The following ADI1 variants were observed in gnomAD, a reference collection of about 807,000 sequenced individuals.
ADI1 encodes acireductone dioxygenase 1, also known as acireductone dioxygenase.
In ADI1, 21 loss-of-function variants were observed where a neutral mutation model predicts 18.7. The ratio of observed to expected loss-of-function variants is 1.13; its 90% CI spans 0.80 to 1.62. The LOEUF (loss-of-function observed/expected upper bound fraction) is 1.62. Ranked by LOEUF, ADI1 falls within the 40% of genes most tolerant of loss-of-function variation. The pLI is 0.00. For synonymous variants in ADI1, 90 were observed against 100.1 expected, an observed-to-expected ratio of 0.90 and a Z score of 0.60; for missense variants, 245 against 254.9, an observed-to-expected ratio of 0.96 and a Z score of 0.26.
At chr2:3,517,753 CA>C (rs201389670) in intron 1 of ADI1, 2,650 of 126,722 alleles carry the variant, frequency 0.021, 65 homozygotes, top group African/African-American at 0.063. Flanking sequence ...GCAAAAAGAG[CA>C]AAAAAAAAAA....
chr2:3,499,378 T>A (rs565906694), intron 3 of ADI1, among the ~76,000 whole-genome samples: 2 of 152,186 alleles, frequency 1.3e-5, no homozygotes, highest in Non-Finnish European at 2.9e-5. Context: ...GGAAAAGCAC[T>A]GGCTCCAACC....
intron 2 of ADI1, among the ~76,000 whole-genome samples, chr2:3,508,868 C>T (rs1321669843): frequency 6.6e-6 from 1 of 150,718 alleles, no homozygotes; most frequent in African/African-American, 2.4e-5. Context: ...GGCACCACTG[C>T]ATTTCAGCCT....
intron 1 of ADI1, 145 bp from the exon 2 acceptor site, chr2:3,514,121 C>T (rs1387227698): frequency 3.0e-6 from 3 of 988,554 alleles, no homozygotes; most frequent in East Asian, 2.7e-5. Flanking sequence ...TCTTCATCTC[C>T]TCTAGCCATT....
intron 3 of ADI1, chr2:3,500,491 G>T: frequency 6.3e-6 from 3 of 477,714 alleles, no homozygotes; most frequent in African/African-American, 1.9e-5. Flanking sequence ...CGCCAAGCAA[G>T]GGCTGGGGCA....
chr2:3,508,680 T>C (rs915685799), intron 2 of ADI1, among the ~76,000 whole-genome samples: 2 of 151,698 alleles, frequency 1.3e-5, no homozygotes, highest in African/African-American at 4.8e-5. Context: ...GGCAAGAAGA[T>C]CACTTGAGCC....
intron 2 of ADI1, among the ~76,000 whole-genome samples, chr2:3,501,820 G>T (rs776283147): frequency 1.3e-5 from 2 of 151,950 alleles, no homozygotes; most frequent in Non-Finnish European, 2.9e-5. Flanking sequence ...AAGCCACCAC[G>T]CCTGGTCTGA....
chr2:3,512,728 C>T (rs1247192064), intron 2 of ADI1, among the ~76,000 whole-genome samples: 3 of 152,240 alleles, frequency 2.0e-5, no homozygotes, highest in Non-Finnish European at 4.4e-5. Context: ...TCTACTATGA[C>T]AGTGCAGAGG....
intron 1 of ADI1, chr2:3,516,794 T>C (rs1299971034): frequency 3.0e-6 from 3 of 985,366 alleles, no homozygotes; most frequent in African/African-American, 3.5e-5. Context: ...GAACTCTATG[T>C]CACTAATAAC....
At chr2:3,500,546 G>GCCGCCTGTACCTGCC (rs1276983873) in intron 3 of ADI1, 2 of 444,656 alleles carry the variant, frequency 4.5e-6, no homozygotes, top group South Asian at 5.2e-5. Context: ...TGTACCTGCC[G>GCCGCCTGTACCTGCC]CCGCCTGTAC....
intron 2 of ADI1, among the ~76,000 whole-genome samples, chr2:3,511,431 C>T (rs1169144385): frequency 6.6e-6 from 1 of 151,984 alleles, no homozygotes. Flanking sequence ...ATTCCCACTC[C>T]TGTTATGTAA....
In ADI1 at chr2:3,504,819, T is replaced by C. The variant is rs369626904; in HGVS notation, c.241-3826A>G. Among the ~76,000 whole-genome samples, 4 of 152,318 alleles carry C rather than the reference T, an allele frequency of 2.6e-5. 1 individual carries two copies. Among genetic ancestry groups the C allele is most frequent in the African/African-American group, 9.6e-5 (4 of 41,548 alleles). On this transcript the variant is annotated intron_variant, in intron 2 of 3. Coordinates refer to ENST00000327435, the MANE Select transcript of ADI1 (RefSeq NM_018269.4). ...TTGGTTCACCTGAGTATGTTTCTATTGTTGGCTCACCTGTGTATGTCTGCA... is the reference window on the plus strand; with the variant it reads ...TTGGTTCACCTGAGTATGTTTCTATCGTTGGCTCACCTGTGTATGTCTGCA...
At chr2:3,507,107 C>T (rs754666500) in intron 2 of ADI1, among the ~76,000 whole-genome samples, 4 of 152,086 alleles carry the variant, frequency 2.6e-5, no homozygotes, top group Non-Finnish European at 5.9e-5. Flanking sequence ...AATTGACTCA[C>T]AATTGTGAAG....
rs200243093 is a variant in ADI1 at position 3,501,269 on chromosome 2, CA to C, written c.241-277del. Reference sequence around the variant, plus strand: ...AACACTTCACACAGGCCAACTCACCCAACCCGCACGGCCCCACGAGGTGGCT... The same window carrying C: ...AACACTTCACACAGGCCAACTCACCCACCCGCACGGCCCCACGAGGTGGCT... On this transcript the variant is annotated intron_variant, in intron 2 of 3. Transcript: ENST00000327435. Among the ~76,000 whole-genome samples, 680 of 152,320 alleles carry C rather than the reference CA, an allele frequency of 4.5e-3. 7 individuals are homozygous for C. Among genetic ancestry groups the C allele is most frequent in the African/African-American group, 0.015 (638 of 41,568 alleles).
At chr2:3,501,082 G>T in intron 2 of ADI1, 89 bp from the exon 3 acceptor site, 1 of 1,223,338 alleles carries the variant, frequency 8.2e-7, no homozygotes, top group Non-Finnish European at 1.1e-6. Context: ...GCCTTTGGTG[G>T]GCCAGAGCTG....
At chr2:3,516,116 T>C (rs1667403403) in intron 1 of ADI1, 1 of 920,862 alleles carries the variant, frequency 1.1e-6, no homozygotes, top group Admixed American at 6.2e-5. Context: ...TGTGATAGTA[T>C]TAAGGGGTGG....
rs111618669 is a variant in ADI1 at position 3,506,814 on chromosome 2, A to G, written c.241-5821T>C. Among the ~76,000 whole-genome samples, 1,054 of 152,370 alleles carry G rather than the reference A, an allele frequency of 6.9e-3. 12 individuals are homozygous for G. The highest frequency in any genetic ancestry group is 0.024 in the African/African-American group (991 of 41,590). ...GACTTACTATCATGCTATAGTAGTC[A>G]AGACTGAGACACTGGTGAAATAGTA... On this transcript the variant is annotated intron_variant, in intron 2 of 3. Transcript: ENST00000327435.
chr2:3,513,269 G>T (rs901085923), intron 2 of ADI1, among the ~76,000 whole-genome samples: 1 of 152,196 alleles, frequency 6.6e-6, no homozygotes, highest in Non-Finnish European at 1.5e-5. Context: ...TTAAGACTTT[G>T]GGGGACTATT....
intron 3 of ADI1, among the ~76,000 whole-genome samples, 160 bp from the exon 4 acceptor site, chr2:3,499,242 A>G (rs1439300786): frequency 2.0e-5 from 3 of 152,222 alleles, no homozygotes; most frequent in African/African-American, 7.2e-5. Context: ...TTATTCGTGG[A>G]AGGAAAATTT....
chr2:3,517,024 G>A, intron 1 of ADI1: 2 of 825,960 alleles, frequency 2.4e-6, no homozygotes, highest in Non-Finnish European at 2.9e-6. Flanking sequence ...GCCTGGCCCA[G>A]GAGAGGTCAC....
Sources: gnomAD v4.1 joint callset for allele counts (sites outside exome capture counted in the v4.1 genomes callset) on GRCh38, gnomAD v4.1.1 for gene constraint, MANE v1.5 for transcripts, NCBI Gene and HGNC (gene_info 2026-07-23, HGNC 2026-07-21) for gene names.